The following EYS variants were observed in gnomAD, a reference collection of about 807,000 sequenced individuals.
EYS encodes EGF-like photoreceptor maintenance factor.
Under a neutral mutation model 282.1 loss-of-function variants are expected in EYS, and 250 were observed. The observed-to-expected ratio is 0.89, with a 90% CI of 0.80 to 0.98. The LOEUF is 0.98. Among genes scored for constraint, EYS ranks in the 50% least tolerant of loss-of-function variants. The pLI, the probability that EYS is intolerant of heterozygous loss-of-function variation, is 0.00. For synonymous variants in EYS, 1,355 were observed against 1,282.9 expected (o/e 1.06, Z -1.20); for missense variants, 4,016 against 3,709.0 (o/e 1.08, Z -2.15).
chr6:64,899,554 A>G (rs1767583084), intron 18 of EYS, among the ~76,000 whole-genome samples: 1 of 152,174 alleles, frequency 6.6e-6, no homozygotes, highest in Non-Finnish European at 1.5e-5. Flanking sequence ...AGTCACAAGC[A>G]TTCCTATTAT....
chr6:64,466,488 T>A (rs183307906), intron 26 of EYS, among the ~76,000 whole-genome samples: 30 of 152,220 alleles, frequency 2.0e-4, no homozygotes, highest in African/African-American at 6.5e-4. Flanking sequence ...GTAAAGTGAA[T>A]AAGCCAGGCA....
At chr6:65,588,992 T>C (rs1011034916) in intron 2 of EYS, among the ~76,000 whole-genome samples, 1 of 152,076 alleles carries the variant, frequency 6.6e-6, no homozygotes, top group African/African-American at 2.4e-5. Context: ...TATTATATAA[T>C]AGTCATCATT....
At chr6:65,284,265 CT>C (rs1236814300) in intron 12 of EYS, among the ~76,000 whole-genome samples, 4 of 151,968 alleles carry the variant, frequency 2.6e-5, no homozygotes, top group Non-Finnish European at 5.9e-5. Context: ...AAATTTTGTG[CT>C]TTTTATTTTG....
At chr6:65,185,355 G>C (rs1460147264) in intron 12 of EYS, among the ~76,000 whole-genome samples, 1 of 151,748 alleles carries the variant, frequency 6.6e-6, no homozygotes, top group African/African-American at 2.4e-5. Flanking sequence ...CACATATTCA[G>C]AAATATCTAT....
At chr6:65,292,592 C>G (rs1156484007) in intron 12 of EYS, among the ~76,000 whole-genome samples, 2 of 151,666 alleles carry the variant, frequency 1.3e-5, no homozygotes, top group Non-Finnish European at 3.0e-5. Flanking sequence ...TAAAGTACCC[C>G]CTTTAGGTAC....
chr6:64,451,013 G>A lies in EYS; in HGVS notation c.5645-11661C>T, dbSNP rs188569804. Among the ~76,000 whole-genome samples, 139 of 152,226 alleles carry A rather than the reference G, an allele frequency of 9.1e-4. No individual in the cohort carries two copies. In the Middle Eastern group the frequency reaches 0.014, roughly 15 times the overall value. The stretch of plus-strand genomic sequence containing the variant: ...GGCAAGAAATAACTAAGATCGAGCA[G>A]AACTGAAGGAAATAGAGACACAAAA... On this transcript the variant is annotated intron_variant, in intron 26 of 42. Transcript: ENST00000503581.
At chr6:65,014,067 C>T (rs1320488649) in intron 13 of EYS, among the ~76,000 whole-genome samples, 5 of 152,146 alleles carry the variant, frequency 3.3e-5, no homozygotes, top group South Asian at 2.1e-4. Context: ...ATCCTACTTG[C>T]CTCAAAGAAG....
intron 32 of EYS, among the ~76,000 whole-genome samples, chr6:64,073,723 G>A (rs896087990): frequency 2.0e-4 from 30 of 151,604 alleles, no homozygotes; most frequent in African/African-American, 6.3e-4. Context: ...AACATTGCTC[G>A]TTGAATGTAG....
chr6:64,326,393 C>T (rs1468006441), intron 29 of EYS, among the ~76,000 whole-genome samples: 2 of 152,148 alleles, frequency 1.3e-5, no homozygotes, highest in African/African-American at 2.4e-5. Flanking sequence ...ATGTTTCTCT[C>T]AAGATGTAAG....
intron 28 of EYS, among the ~76,000 whole-genome samples, chr6:64,401,240 C>A (rs866266688): frequency 7.9e-5 from 12 of 152,130 alleles, no homozygotes; most frequent in Middle Eastern, 3.4e-3. Context: ...GCATTACAAT[C>A]GTCAACCTTC....
chr6:64,919,305 G>A (rs1193616002), intron 15 of EYS, among the ~76,000 whole-genome samples: 1 of 152,030 alleles, frequency 6.6e-6, no homozygotes, highest in Admixed American at 6.6e-5. Flanking sequence ...TCAAGTAGCT[G>A]GGATTACAGC....
intron 12 of EYS, among the ~76,000 whole-genome samples, chr6:65,259,684 G>A (rs1767566424): frequency 6.6e-6 from 1 of 152,036 alleles, no homozygotes; most frequent in African/African-American, 2.4e-5. Flanking sequence ...CCATAGGACT[G>A]ATCAGTAAAA....
At chr6:64,635,394 T>A (rs1263060089) in intron 22 of EYS, among the ~76,000 whole-genome samples, 6 of 152,226 alleles carry the variant, frequency 3.9e-5, no homozygotes, top group African/African-American at 1.4e-4. Flanking sequence ...CATCCCTGTC[T>A]TGTGCCGGTT....
chr6:64,561,615 C>A (rs901841819), intron 26 of EYS, among the ~76,000 whole-genome samples: 5 of 151,852 alleles, frequency 3.3e-5, no homozygotes, highest in African/African-American at 1.2e-4. Context: ...ATACAGCAAA[C>A]CAGGGAGATG....
chr6:64,938,089 G>T (rs2150091205), intron 15 of EYS, among the ~76,000 whole-genome samples: 1 of 151,654 alleles, frequency 6.6e-6, no homozygotes, highest in East Asian at 1.9e-4. Flanking sequence ...GAGATAGAAA[G>T]TCGATTAGGG....
chr6:64,437,339 A>G (rs2150464865), intron 27 of EYS, among the ~76,000 whole-genome samples: 1 of 151,808 alleles, frequency 6.6e-6, no homozygotes, highest in Non-Finnish European at 1.5e-5. Flanking sequence ...GAACCATAAA[A>G]CTAACTAGTG....
intron 26 of EYS, among the ~76,000 whole-genome samples, chr6:64,469,638 A>T (rs923831811): frequency 1.3e-5 from 2 of 152,066 alleles, no homozygotes; most frequent in African/African-American, 4.8e-5. Context: ...TGCCAAGCGG[A>T]CCGTAGTCTA....
At chr6:65,323,975 C>A (rs4032786) in intron 11 of EYS, among the ~76,000 whole-genome samples, 5 of 150,464 alleles carry the variant, frequency 3.3e-5, no homozygotes, top group Admixed American at 2.0e-4. Flanking sequence ...TCACCTCTCC[C>A]TCTTGCTTCC....
chr6:64,617,083 C>T (rs1275520018), intron 24 of EYS, among the ~76,000 whole-genome samples: 1 of 152,072 alleles, frequency 6.6e-6, no homozygotes, highest in Non-Finnish European at 1.5e-5. Flanking sequence ...AAAAGTTCCG[C>T]CAAGACCCTG....
Sources: gnomAD v4.1 joint callset for allele counts (sites outside exome capture counted in the v4.1 genomes callset) on GRCh38, gnomAD v4.1.1 for gene constraint, MANE v1.5 for transcripts, NCBI Gene and HGNC (gene_info 2026-07-23, HGNC 2026-07-21) for gene names.